Variants in NRXN3 observed in about 807,000 individuals in gnomAD.
NRXN3 encodes neurexin 3.
Under a neutral mutation model 137.6 loss-of-function variants are expected in NRXN3, and 32 were observed. That is an observed-to-expected ratio of 0.23 (90% CI 0.18 to 0.31). The LOEUF is 0.31. Among genes scored for constraint, NRXN3 ranks in the 10% least tolerant of loss-of-function variants. The probability of loss-of-function intolerance (pLI) is 1.00; values close to 1 mark genes in which losing one functional copy is unlikely to be tolerated. For synonymous variants in NRXN3, 798 were observed against 784.5 expected (o/e 1.02, Z -0.29); for missense variants, 1,574 against 2,062.5 (o/e 0.76, Z 4.59).
chr14:79,687,265 T>A (rs2154021624), intron 17 of NRXN3, among the ~76,000 whole-genome samples: 1 of 152,342 alleles, frequency 6.6e-6, no homozygotes, highest in African/African-American at 2.4e-5. Flanking sequence ...AGATGGCCTT[T>A]GGGTGTGCAA....
At chr14:78,894,474 C>G (rs776847105) in intron 10 of NRXN3, among the ~76,000 whole-genome samples, 32 of 151,980 alleles carry the variant, frequency 2.1e-4, no homozygotes, top group Non-Finnish European at 4.1e-4. Context: ...ACCTCTAGTT[C>G]TAGTTCTCTT....
chr14:79,443,324 A>G (rs1378994134), intron 15 of NRXN3, among the ~76,000 whole-genome samples: 2 of 152,222 alleles, frequency 1.3e-5, no homozygotes, highest in East Asian at 3.8e-4. Context: ...GAACTGGAGA[A>G]GCTAACTCAT....
chr14:79,084,462 A>C (rs1297551342), intron 15 of NRXN3, among the ~76,000 whole-genome samples: 1 of 152,208 alleles, frequency 6.6e-6, no homozygotes, highest in South Asian at 2.1e-4. Context: ...CCAACTGACT[A>C]TCATTAAAGC....
At chr14:79,517,830 G>T (rs1381142196) in intron 16 of NRXN3, among the ~76,000 whole-genome samples, 1 of 144,300 alleles carries the variant, frequency 6.9e-6, no homozygotes, top group African/African-American at 2.5e-5. Context: ...CTGTACAATA[G>T]ATTTCAGAAT....
chr14:78,470,869 C>T, intron 4 of NRXN3, among the ~76,000 whole-genome samples: 1 of 152,126 alleles, frequency 6.6e-6, no homozygotes, highest in East Asian at 1.9e-4. Flanking sequence ...TTAACATACC[C>T]ATTTCACAGA....
intron 16 of NRXN3, among the ~76,000 whole-genome samples, chr14:79,597,996 T>C (rs1252968934): frequency 6.6e-6 from 1 of 152,232 alleles, no homozygotes; most frequent in East Asian, 1.9e-4. Context: ...CCAACACTTC[T>C]CTACCCATTC....
rs531130037 is a variant in NRXN3 at position 78,697,241 on chromosome 14, G to A, written c.1222-11976G>A. 3.9e-5 allele frequency among the ~76,000 whole-genome samples: 6 copies of A among 151,934 alleles called. No homozygotes were observed. In the South Asian group the frequency reaches 6.3e-4, roughly 16 times the overall value. On this transcript the variant is annotated intron_variant, in intron 6 of 20. Coordinates refer to ENST00000335750, the MANE Select transcript of NRXN3 (RefSeq NM_001330195.2). ...TGATAATGAATTTGGGACCTCTTTAGACATCCTATGTCCCTTTTCTCCAAT... is the reference window on the plus strand; with the variant it reads ...TGATAATGAATTTGGGACCTCTTTAAACATCCTATGTCCCTTTTCTCCAAT...
chr14:78,252,801 CA>C (rs2068852259), intron 2 of NRXN3, among the ~76,000 whole-genome samples: 1 of 152,168 alleles, frequency 6.6e-6, no homozygotes, highest in East Asian at 1.9e-4. Context: ...AGAGTGTGTA[CA>C]GCTTATTTAC....
chr14:79,193,760 C>T (rs2064750213), intron 15 of NRXN3, among the ~76,000 whole-genome samples: 1 of 152,162 alleles, frequency 6.6e-6, no homozygotes, highest in African/African-American at 2.4e-5. Context: ...GGAGAAGATA[C>T]ACTAGAGGAA....
At chr14:79,767,185 A>C (rs1237375335) in intron 19 of NRXN3, among the ~76,000 whole-genome samples, 1 of 152,160 alleles carries the variant, frequency 6.6e-6, no homozygotes, top group Non-Finnish European at 1.5e-5. Flanking sequence ...CTGTAGTCTT[A>C]TTCTTCACTA....
intron 4 of NRXN3, among the ~76,000 whole-genome samples, chr14:78,453,196 T>C (rs2094591818): frequency 6.6e-6 from 1 of 152,230 alleles, no homozygotes; most frequent in Admixed American, 6.5e-5. Context: ...TAGGGATGTA[T>C]TATTTTGGGC....
chr14:78,844,131 CA>C (rs2099020130), intron 10 of NRXN3, among the ~76,000 whole-genome samples: 1 of 152,086 alleles, frequency 6.6e-6, no homozygotes, highest in African/African-American at 2.4e-5. Context: ...AGGTGGTGCT[CA>C]GCACTCTTTG....
intron 15 of NRXN3, among the ~76,000 whole-genome samples, chr14:79,373,056 C>A (rs1403336922): frequency 6.6e-6 from 1 of 152,116 alleles, no homozygotes; most frequent in Non-Finnish European, 1.5e-5. Context: ...TTCTTATCAA[C>A]ACCCCAAATT....
intron 15 of NRXN3, among the ~76,000 whole-genome samples, chr14:79,022,243 G>A (rs927996999): frequency 6.6e-6 from 1 of 152,122 alleles, no homozygotes; most frequent in Non-Finnish European, 1.5e-5. Flanking sequence ...TCTTTTCCAG[G>A]TTTACTGCAA....
chr14:79,833,200 C>A (rs2099328447), intron 20 of NRXN3, among the ~76,000 whole-genome samples: 1 of 152,204 alleles, frequency 6.6e-6, no homozygotes, highest in South Asian at 2.1e-4. Context: ...TTTACTGGTG[C>A]TGATGAATAT....
intron 19 of NRXN3, chr14:79,760,641 G>A (rs2099035304): frequency 6.6e-6 from 1 of 151,542 alleles, no homozygotes; most frequent in South Asian, 2.1e-4. Context: ...CAAAGAAAGA[G>A]CCTTACCCGG....
intron 15 of NRXN3, among the ~76,000 whole-genome samples, chr14:79,175,916 G>T (rs544001016): frequency 3.3e-5 from 5 of 152,312 alleles, no homozygotes; most frequent in East Asian, 1.9e-4. Flanking sequence ...TTTGTGGCAT[G>T]CACAGAGCAT....
intron 15 of NRXN3, among the ~76,000 whole-genome samples, chr14:79,453,990 G>T (rs1412998844): frequency 6.6e-6 from 1 of 151,972 alleles, no homozygotes; most frequent in Non-Finnish European, 1.5e-5. Flanking sequence ...TGCAGACAAA[G>T]TTATTTTTCT....
In NRXN3 at chr14:78,660,253, T is replaced by TTATATATATATATATATATA. The variant is rs373491178; in HGVS notation, c.1221+8931_1221+8950dup. On this transcript the variant is annotated intron_variant, in intron 6 of 20. Coordinates refer to ENST00000335750, the MANE Select transcript of NRXN3 (RefSeq NM_001330195.2). ...ATGGGTTGTTGATGAAGAAGTAGATTTATATATATATATATATATATATTT... is the reference window on the plus strand; with the variant it reads ...ATGGGTTGTTGATGAAGAAGTAGATTTATATATATATATATATATATATATATATATATATATATATATTT... Among the ~76,000 whole-genome samples the TTATATATATATATATATATA allele has an allele frequency of 2.7e-3, 374 of 139,590 alleles. 3 individuals carry two copies. Among genetic ancestry groups the TTATATATATATATATATATA allele is most frequent in the East Asian group, 0.012 (57 of 4,564 alleles). The allele number at this position is 139,590 out of a possible 152,430, so 91.6% of individuals were successfully genotyped here. A position where few individuals can be genotyped will look rare whatever the true frequency, so the allele number is the denominator to read the frequency against.
Sources: gnomAD v4.1 joint callset for allele counts (sites outside exome capture counted in the v4.1 genomes callset) on GRCh38, gnomAD v4.1.1 for gene constraint, MANE v1.5 for transcripts, NCBI Gene and HGNC (gene_info 2026-07-23, HGNC 2026-07-21) for gene names.